Variants in CEP41 observed in about 807,000 individuals in gnomAD.
CEP41 encodes the protein centrosomal protein 41, also known as centrosomal protein of 41 kDa.
CEP41 carries 32 observed loss-of-function variants against 44.3 expected under a neutral mutation model. The ratio of observed to expected loss-of-function variants is 0.72; its 90% confidence interval spans 0.54 to 0.97. The LOEUF (loss-of-function observed/expected upper bound fraction) is 0.97. Ranked by LOEUF, CEP41 falls within the 50% of genes least tolerant of loss-of-function variation. The pLI, the probability that CEP41 is intolerant of heterozygous loss-of-function variation, is 0.00. For synonymous variants in CEP41, 151 were observed against 168.5 expected, an observed-to-expected ratio of 0.90 and a Z score of 0.80; for missense variants, 432 against 455.2, an observed-to-expected ratio of 0.95 and a Z score of 0.46.
Position 130,398,963 on chromosome 7 carries a change from A to C in CEP41, c.1050T>G (p.Gly350=), listed in dbSNP as rs374440977. 5 of 1,614,080 alleles carry C rather than the reference A, an allele frequency of 3.1e-6. No individual in the cohort carries two copies. Among genetic ancestry groups the C allele is most frequent in the African/African-American group, 2.7e-5 (2 of 74,938 alleles). Residue 350 remains glycine, a synonymous_variant, in exon 11 of 11, where the codon GGT becomes GGG. Transcript: ENST00000223208. ...PGARSAQNLP[G]GGPASHSNPR... ...GGTTTGAGTGGCTGGCGGGGCCGCC[A>C]CCTGGCAGATTCTGAGCGCTTCGGG...
chr7:130,439,616 A>C (rs1173304097), intron 1 of CEP41, among the ~76,000 whole-genome samples: 1 of 152,120 alleles, frequency 6.6e-6, no homozygotes, highest in Non-Finnish European at 1.5e-5. Context: ...CGTATAAGTG[A>C]GATCATGCAG....
At position 130,402,741 on chromosome 7, in the gene CEP41, G is replaced by A. The variant is rs933949303; in HGVS notation, c.481C>T (p.Pro161Ser). Residue 161 changes from proline to serine, a missense_variant, in exon 7 of 11, where the codon CCC (proline) becomes TCC (serine). Coordinates refer to ENST00000223208, the MANE Select transcript of CEP41 (RefSeq NM_018718.3). The stretch of plus-strand genomic sequence containing the variant: ...GGATAAGGTTTGTCTTTGGTATGGG[G>A]CTCTGCTTTCTTCACTGGCCCTTTG... ...LDKGPVKKAE[P>S]HTKDKPYPDC... 6.2e-7 allele frequency: 1 copy of A among 1,614,170 alleles called. No homozygotes were observed. Among genetic ancestry groups the A allele is most frequent in the Non-Finnish European group, 8.5e-7 (1 of 1,179,996 alleles).
chr7:130,400,604 T>C (rs147198758), intron 9 of CEP41, 103 bp downstream of exon 9: 1 of 814,850 alleles, frequency 1.2e-6, no homozygotes, highest in East Asian at 2.7e-5. Flanking sequence ...TTTTTCTCTT[T>C]CCAGAACACT....
At chr7:130,420,142 T>C (rs1241120042) in intron 2 of CEP41, 5 of 806,654 alleles carry the variant, frequency 6.2e-6, no homozygotes, top group South Asian at 5.7e-5. Flanking sequence ...GGCAAAATAG[T>C]GAGACCTCGT....
intron 3 of CEP41, among the ~76,000 whole-genome samples, chr7:130,414,094 AAATGATAC>A (rs1208859923): frequency 6.6e-6 from 1 of 152,234 alleles, no homozygotes; most frequent in Non-Finnish European, 1.5e-5. Flanking sequence ...CAGAGTCGGG[AAATGATAC>A]TACTTTAAAA....
In CEP41 at chr7:130,397,376, G is replaced by A. The variant is rs1165057898; in HGVS notation, c.*1515C>T. The A allele has an allele frequency of 6.6e-6, 3 of 454,352 alleles. No homozygotes were observed. Among genetic ancestry groups the A allele is most frequent in the Non-Finnish European group, 1.3e-5 (3 of 226,712 alleles). 28.1% of individuals were successfully genotyped at this position (454,352 alleles called of 1,614,324 possible). ...TGTTGCACTTTGGAAATCAAGTAGA[G>A]AAGAATAAACACACTCTAAAACAGA... is the stretch of plus-strand genomic sequence containing the variant. On this transcript the variant is annotated 3_prime_UTR_variant, in exon 11 of 11. Transcript: ENST00000223208.
intron 1 of CEP41, among the ~76,000 whole-genome samples, chr7:130,440,220 C>T (rs1417176001): frequency 6.6e-6 from 1 of 152,158 alleles, no homozygotes; most frequent in Admixed American, 6.5e-5. Flanking sequence ...GGGGTTTCGC[C>T]ATGTTGGCCA....
chr7:130,420,596 AC>A (rs1797476387), intron 2 of CEP41: 1 of 151,324 alleles, frequency 6.6e-6, no homozygotes, highest in Admixed American at 6.6e-5. Flanking sequence ...ACATAGTAAA[AC>A]CCCGTCTCTA....
chr7:130,407,818 T>C (rs192299213), intron 5 of CEP41, among the ~76,000 whole-genome samples: 16 of 152,166 alleles, frequency 1.1e-4, no homozygotes, highest in Middle Eastern at 3.4e-3. Context: ...GCTAATAGAT[T>C]TGATTACGTA....
At chr7:130,405,689 T>A (rs1457751107) in intron 5 of CEP41, among the ~76,000 whole-genome samples, 1 of 152,214 alleles carries the variant, frequency 6.6e-6, no homozygotes. Context: ...CAATCATGCA[T>A]GGGTAAAAGA....
At position 130,396,071 on chromosome 7, in the gene CEP41, T is replaced by C; in HGVS notation, c.*2820A>G. ...TTCTCTCTGCCCTCCCTTCTTCCCA[T>C]TTCCTTGCTTCTTTCTCCCTTCCTT... On this transcript the variant is annotated 3_prime_UTR_variant, in exon 11 of 11. Transcript: ENST00000223208. 1 of 454,058 alleles carries C rather than the reference T, an allele frequency of 2.2e-6. No individual in the cohort carries two copies. The highest frequency in any genetic ancestry group is 4.4e-6 in the Non-Finnish European group (1 of 226,772). The allele number at this position is 454,058 out of a possible 1,614,324, so 28.1% of individuals were successfully genotyped here. A position where few individuals can be genotyped will look rare whatever the true frequency, so the allele number is the denominator to read the frequency against.
rs1554415529 is a variant in CEP41 at position 130,397,942 on chromosome 7, A to G, written c.*949T>C. On this transcript the variant is annotated 3_prime_UTR_variant, in exon 11 of 11. Transcript: ENST00000223208. ...ATACTGTATTTCTAAGCAAGGGCTTACGAGGTTGTCAGCCCTGACAAAGGA... is the reference window on the plus strand; with the variant it reads ...ATACTGTATTTCTAAGCAAGGGCTTGCGAGGTTGTCAGCCCTGACAAAGGA... 2.2e-6 allele frequency: 1 copy of G among 454,446 alleles called. No individual in the cohort carries two copies. Among genetic ancestry groups the G allele is most frequent in the African/African-American group, 2.0e-5 (1 of 50,030 alleles). 28.2% of individuals were successfully genotyped at this position (454,446 alleles called of 1,614,324 possible).
intron 2 of CEP41, chr7:130,420,215 A>G (rs56283021): frequency 0.026 from 6,363 of 248,264 alleles, 116 homozygotes; most frequent in Non-Finnish European, 0.033. Flanking sequence ...CTGTAGTCCC[A>G]GCTACTTGAG....
Position 130,397,587 on chromosome 7 carries a change from G to C in CEP41, c.*1304C>G, listed in dbSNP as rs1281983176. On this transcript the variant is annotated 3_prime_UTR_variant, in exon 11 of 11. Coordinates refer to ENST00000223208, the MANE Select transcript of CEP41 (RefSeq NM_018718.3). ...AAATCTTACCCCGTAGCAGTTACCA[G>C]CAGGACAGGCAATTTTCAGTGGGCT... 1 of 435,634 alleles carries C rather than the reference G, an allele frequency of 2.3e-6. No homozygotes were observed. The highest frequency in any genetic ancestry group is 4.5e-6 in the Non-Finnish European group (1 of 224,526). 27.0% of individuals were successfully genotyped at this position (435,634 alleles called of 1,614,324 possible). A position where few individuals can be genotyped will look rare whatever the true frequency, so the allele number is the denominator to read the frequency against.
intron 1 of CEP41, among the ~76,000 whole-genome samples, chr7:130,439,198 T>C (rs1458390781): frequency 1.3e-5 from 2 of 152,218 alleles, no homozygotes; most frequent in African/African-American, 4.8e-5. Flanking sequence ...GTAAATATAT[T>C]TTCTCTTCCT....
At chr7:130,428,606 A>G (rs1797735633) in intron 1 of CEP41, among the ~76,000 whole-genome samples, 1 of 151,238 alleles carries the variant, frequency 6.6e-6, no homozygotes, top group African/African-American at 2.4e-5. Flanking sequence ...AGAAAAAAAA[A>G]AAAGCTGCCT....
chr7:130,396,146 T>C lies in CEP41; in HGVS notation c.*2745A>G. 2.2e-6 allele frequency: 1 copy of C among 454,066 alleles called. No homozygotes were observed. Among genetic ancestry groups the C allele is most frequent in the Non-Finnish European group, 4.4e-6 (1 of 226,772 alleles). The allele number at this position is 454,066 out of a possible 1,614,324, so 28.1% of individuals were successfully genotyped here. ...TAAACACAAACCCCTTTAAAGCATT[T>C]AAGGTATTATTTAAACTTTGGCCAT... is the stretch of plus-strand genomic sequence containing the variant. On this transcript the variant is annotated 3_prime_UTR_variant, in exon 11 of 11. Coordinates refer to ENST00000223208, the MANE Select transcript of CEP41 (RefSeq NM_018718.3).
chr7:130,433,509 A>G (rs1252738425), intron 1 of CEP41, among the ~76,000 whole-genome samples: 1 of 152,184 alleles, frequency 6.6e-6, no homozygotes, highest in African/African-American at 2.4e-5. Context: ...AATGAAGTTC[A>G]TCTGGAAGAG....
intron 2 of CEP41, among the ~76,000 whole-genome samples, chr7:130,426,034 GA>G (rs1269080680): frequency 6.6e-6 from 1 of 152,210 alleles, no homozygotes; most frequent in African/African-American, 2.4e-5. Context: ...GCAACATAAG[GA>G]ATCCGTGTGG....
Sources: allele counts gnomAD v4.1 joint callset (sites outside exome capture counted in the v4.1 genomes callset), GRCh38; gene constraint gnomAD v4.1.1; transcripts MANE v1.5; gene names NCBI Gene and HGNC (gene_info 2026-07-23, HGNC 2026-07-21).